ITSN1: variants seen among roughly 807,000 people sequenced by gnomAD.
ITSN1 encodes intersectin-1.
ITSN1 carries 58 observed loss-of-function variants against 239.8 expected under a neutral mutation model. The ratio of observed to expected loss-of-function variants is 0.24; its 90% CI spans 0.20 to 0.30. The LOEUF is 0.30. Ranked by LOEUF, ITSN1 falls within the 10% of genes least tolerant of loss-of-function variation. The pLI is 1.00. For synonymous variants in ITSN1, 780 were observed against 770.8 expected, an observed-to-expected ratio of 1.01 and a Z score of -0.20; for missense variants, 1,558 against 2,103.3, an observed-to-expected ratio of 0.74 and a Z score of 5.07.
intron 2 of ITSN1, 93 bp downstream of exon 2, chr21:33,718,949 AAAT>A: frequency 1.0e-6 from 1 of 969,424 alleles, no homozygotes; most frequent in South Asian, 1.4e-5. Flanking sequence ...AAAGTAGAGA[AAAT>A]AATATAATCA....
At chr21:33,873,473 A>G (rs1461696164) in intron 33 of ITSN1, among the ~76,000 whole-genome samples, 2 of 152,236 alleles carry the variant, frequency 1.3e-5, no homozygotes, top group African/African-American at 2.4e-5. Flanking sequence ...TCTAAGGGCC[A>G]GGTGCTTTGC....
At chr21:33,832,743 G>A (rs754527536) in intron 27 of ITSN1, among the ~76,000 whole-genome samples, 1 of 152,210 alleles carries the variant, frequency 6.6e-6, no homozygotes, top group African/African-American at 2.4e-5. Context: ...CAAGGGGATG[G>A]AATCTATCAG....
chr21:33,883,593 C>T lies in ITSN1; in HGVS notation c.4598C>T (p.Pro1533Leu). 6.2e-7 allele frequency: 1 copy of T among 1,613,904 alleles called. No homozygotes were observed. Among genetic ancestry groups the T allele is most frequent in the Non-Finnish European group, 8.5e-7 (1 of 1,179,828 alleles). ...GTTCTAGTAAAATTACCCACCGACC[C>T]TTCTGGAGACGAGCCCATCTTCCAC... ...NEVLVKLPTD[P>L]SGDEPIFHIS... is the part of the protein sequence containing the mutation. The change falls in exon 36 of 40, where the codon CCT (proline) becomes CTT (leucine). Residue 1533 changes from proline to leucine, a missense_variant. Transcript: ENST00000381318.
chr21:33,816,314 A>G (rs965186106), intron 22 of ITSN1, among the ~76,000 whole-genome samples: 3 of 152,348 alleles, frequency 2.0e-5, no homozygotes, highest in East Asian at 1.9e-4. Flanking sequence ...TAATAGTTAT[A>G]TAGCTCACCA....
chr21:33,645,125 A>G (rs2087817110), intron 1 of ITSN1, among the ~76,000 whole-genome samples: 1 of 152,180 alleles, frequency 6.6e-6, no homozygotes, highest in African/African-American at 2.4e-5. Context: ...TGCTTCGTCC[A>G]AATTCCTCTA....
Position 33,845,001 on chromosome 21 carries a change from T to A in ITSN1, c.3661+8369T>A, listed in dbSNP as rs908730845. On this transcript the variant is annotated intron_variant, in intron 29 of 39. Coordinates refer to ENST00000381318, the MANE Select transcript of ITSN1 (RefSeq NM_003024.3). ...TGAGCCCAGGAGGGACCCAGTCTACTCTGTTTACCTCTCCCGCTGCCCACT... is the reference window on the plus strand; with the variant it reads ...TGAGCCCAGGAGGGACCCAGTCTACACTGTTTACCTCTCCCGCTGCCCACT... 3.3e-5 allele frequency among the ~76,000 whole-genome samples: 5 copies of A among 152,004 alleles called. No individual in the cohort carries two copies. In the South Asian group the frequency reaches 8.3e-4, roughly 25 times the overall value.
intron 1 of ITSN1, among the ~76,000 whole-genome samples, chr21:33,702,000 G>A (rs1047650716): frequency 3.3e-5 from 5 of 152,020 alleles, no homozygotes; most frequent in African/African-American, 1.2e-4. Flanking sequence ...CCTGGAGGGC[G>A]GATGTTGCAA....
intron 23 of ITSN1, among the ~76,000 whole-genome samples, 178 bp from the exon 24 acceptor site, chr21:33,819,063 T>G (rs1288736590): frequency 6.9e-6 from 1 of 145,344 alleles, no homozygotes; most frequent in African/African-American, 2.5e-5. Flanking sequence ...AATGCGAGCT[T>G]AGAGTCATGC....
At position 33,772,463 on chromosome 21, in the gene ITSN1, G is replaced by A. The variant is rs61332294; in HGVS notation, c.1305+140G>A. ...ATATTCCCAAAGTTGTGCAACCATC[G>A]TCCCTAATTCCAGAACATTTTCATC... On this transcript the variant is annotated intron_variant, in intron 12 of 39. Transcript: ENST00000381318. 4.9e-3 allele frequency: 5,171 copies of A among 1,051,994 alleles called. 167 individuals carry two copies. The African/African-American group carries it at 0.071, about 14-fold the overall frequency. 65.2% of individuals were successfully genotyped at this position (1,051,994 alleles called of 1,614,324 possible). A position where few individuals can be genotyped will look rare whatever the true frequency, so the allele number is the denominator to read the frequency against.
intron 1 of ITSN1, among the ~76,000 whole-genome samples, chr21:33,715,608 C>T (rs1028734780): frequency 6.6e-6 from 1 of 152,034 alleles, no homozygotes; most frequent in African/African-American, 2.4e-5. Context: ...GAGAAATTGT[C>T]GAGGAAAAGA....
rs1300483044 is a variant in ITSN1, at chr21:33,882,481, T to C, written c.4554+26T>C. ...GTAAGTTGGATTCTAGATTTTGCATTATCAGGGTTGACGTGTTTGGGGAGG... is the reference window on the plus strand; with the variant it reads ...GTAAGTTGGATTCTAGATTTTGCATCATCAGGGTTGACGTGTTTGGGGAGG... On this transcript the variant is annotated intron_variant, in intron 35 of 39. Coordinates refer to ENST00000381318, the MANE Select transcript of ITSN1 (RefSeq NM_003024.3). The surrounding 1 kb of genome is among the most constrained non-coding windows in gnomAD (Gnocchi z 4.5). The C allele has an allele frequency of 6.3e-7, 1 of 1,599,524 alleles. No homozygotes were observed. Among genetic ancestry groups the C allele is most frequent in the East Asian group, 2.2e-5 (1 of 44,764 alleles).
chr21:33,896,992 A>G lies in ITSN1; in HGVS notation c.*8692A>G, dbSNP rs1405861048. The G allele has an allele frequency of 6.6e-6, 1 of 152,250 alleles. No homozygotes were observed. Among genetic ancestry groups the G allele is most frequent in the Non-Finnish European group, 1.5e-5 (1 of 68,046 alleles). 9.4% of individuals were successfully genotyped at this position (152,250 alleles called of 1,614,324 possible). ...CATGCGTCATGCAATCTTCCGGACT[A>G]CGGGAAGTTCTGCAAGTGTTCTCCA... is the stretch of plus-strand genomic sequence containing the variant. On this transcript the variant is annotated 3_prime_UTR_variant, in exon 40 of 40. Transcript: ENST00000381318.
chr21:33,678,873 C>T (rs1490520068), intron 1 of ITSN1, among the ~76,000 whole-genome samples: 1 of 152,116 alleles, frequency 6.6e-6, no homozygotes, highest in Non-Finnish European at 1.5e-5. Context: ...GCCACCACGC[C>T]CAGCTAATTT....
chr21:33,722,706 C>A, intron 4 of ITSN1, 55 bp downstream of exon 4: 1 of 1,471,810 alleles, frequency 6.8e-7, no homozygotes, highest in Non-Finnish European at 9.1e-7. Context: ...AATAAAATAT[C>A]GTTTTGTTCT....
chr21:33,845,491 G>A (rs1358308192), intron 29 of ITSN1, among the ~76,000 whole-genome samples: 3 of 151,656 alleles, frequency 2.0e-5, no homozygotes, highest in Non-Finnish European at 4.4e-5. Flanking sequence ...GGGGATTCCC[G>A]GTCCTCCGAG....
chr21:33,884,396 C>A (rs1283845697), intron 36 of ITSN1, among the ~76,000 whole-genome samples: 1 of 152,156 alleles, frequency 6.6e-6, no homozygotes, highest in Non-Finnish European at 1.5e-5. Context: ...CATTCTGGAA[C>A]CTAGGGCTGT....
intron 8 of ITSN1, among the ~76,000 whole-genome samples, chr21:33,761,570 A>G (rs2068329704): frequency 1.3e-5 from 2 of 152,196 alleles, no homozygotes; most frequent in South Asian, 4.1e-4. Flanking sequence ...TGTTAAACTT[A>G]AAGAGAATAA....
chr21:33,825,445 C>T (rs907268617), intron 25 of ITSN1, among the ~76,000 whole-genome samples: 2 of 152,174 alleles, frequency 1.3e-5, no homozygotes, highest in African/African-American at 2.4e-5. Context: ...CCAGAACTGA[C>T]GTCTGGGCAT....
intron 3 of ITSN1, 87 bp downstream of exon 3, chr21:33,721,357 A>G: frequency 2.4e-6 from 2 of 848,042 alleles, no homozygotes; most frequent in Non-Finnish European, 4.0e-6. Context: ...GAGATGGGCA[A>G]ATATGACCAA....
Sources: allele counts gnomAD v4.1 joint callset (sites outside exome capture counted in the v4.1 genomes callset), GRCh38; gene constraint gnomAD v4.1.1; non-coding constraint Gnocchi (gnomAD v3.1); transcripts MANE v1.5; gene names NCBI Gene and HGNC (gene_info 2026-07-23, HGNC 2026-07-21).